WDR62: variants seen among roughly 807,000 people sequenced by gnomAD.
WDR62 encodes the protein WD repeat domain 62.
Under a neutral mutation model 160.6 loss-of-function variants are expected in WDR62, and 112 were observed. That is an observed-to-expected ratio of 0.70 (90% confidence interval 0.60 to 0.82). The LOEUF (loss-of-function observed/expected upper bound fraction) is 0.82, where lower values mean the gene tolerates loss of function less well. Among genes scored for constraint, WDR62 ranks in the 40% least tolerant of loss-of-function variants. The pLI is 0.00. For missense variants in WDR62, 1,819 were observed against 1,983.8 expected, an observed-to-expected ratio of 0.92 and a Z score of 1.58; for synonymous variants, 792 against 815.1, an observed-to-expected ratio of 0.97 and a Z score of 0.48.
In WDR62 at chr19:36,084,886, G is replaced by A. The variant is rs1205237786; in HGVS notation, c.1642+142G>A. The stretch of plus-strand genomic sequence containing the variant: ...TGTTCGGTAAGGGCCCCTGTAGCTG[G>A]ACCCTGAGACCAGAGTGGCTGGGAC... On this transcript the variant is annotated intron_variant, in intron 12 of 31. Transcript: ENST00000401500. 19 of 762,824 alleles carry A rather than the reference G, an allele frequency of 2.5e-5. No individual in the cohort carries two copies. The East Asian group carries it at 4.8e-4, about 19-fold the overall frequency. The allele number at this position is 762,824 out of a possible 1,614,324, so 47.3% of individuals were successfully genotyped here. A position where few individuals can be genotyped will look rare whatever the true frequency, so the allele number is the denominator to read the frequency against.
chr19:36,068,104 C>G, intron 7 of WDR62, 94 bp downstream of exon 7: 1 of 1,433,688 alleles, frequency 7.0e-7, no homozygotes, highest in Non-Finnish European at 9.6e-7. Flanking sequence ...ACAGGTTCTG[C>G]TTATGTGACT....
chr19:36,104,922 C>G lies in WDR62; in HGVS notation c.4466C>G (p.Ser1489Cys), dbSNP rs1480916820. 6.2e-7 allele frequency: 1 copy of G among 1,609,730 alleles called. No individual in the cohort carries two copies. The highest frequency in any genetic ancestry group is 1.7e-5 in the Admixed American group (1 of 59,858). The change falls in exon 32 of 32, where the codon TCC becomes TGC. Residue 1489 changes from serine (S) to cysteine (C), a missense_variant. Coordinates refer to ENST00000401500, the MANE Select transcript of WDR62 (RefSeq NM_001083961.2). ...GCTCTGCCCAGCCCAGGACCCCCGT[C>G]CCCACCGACGCTGTACCCCCTGGCC... ...AQALPSPGPP[S>C]PPTLYPLASP...
At chr19:36,104,065 C>A in intron 30 of WDR62, 84 bp downstream of exon 30, 1 of 1,533,052 alleles carries the variant, frequency 6.5e-7, no homozygotes, top group South Asian at 1.1e-5. Flanking sequence ...GATACTTGAC[C>A]TGGCCACAGG....
intron 16 of WDR62, 68 bp downstream of exon 16, chr19:36,090,588 G>A: frequency 2.8e-6 from 4 of 1,450,488 alleles, no homozygotes; most frequent in Admixed American, 1.7e-5. Flanking sequence ...GCCCACACCT[G>A]AGACCTGTGC....
At chr19:36,085,381 G>C (rs899828769) in intron 12 of WDR62, among the ~76,000 whole-genome samples, 1 of 145,674 alleles carries the variant, frequency 6.9e-6, no homozygotes. Flanking sequence ...CTCCCAAAGC[G>C]CTGGGATTAG....
chr19:36,103,328 C>A lies in WDR62; in HGVS notation c.3515-15C>A, dbSNP rs1452650388. On this transcript the variant is annotated splice_polypyrimidine_tract_variant and intron_variant, in intron 29 of 31. Coordinates refer to ENST00000401500, the MANE Select transcript of WDR62 (RefSeq NM_001083961.2). Reference sequence around the variant, plus strand: ...TTCTGTGTGGTGGAGTCAGTGCCATCTGCTTCCGTTACAGCTCCCTGCCTT... The same window carrying A: ...TTCTGTGTGGTGGAGTCAGTGCCATATGCTTCCGTTACAGCTCCCTGCCTT... 2.5e-6 allele frequency: 4 copies of A among 1,613,592 alleles called. No individual in the cohort carries two copies. In the South Asian group the frequency reaches 3.3e-5, roughly 13 times the overall value.
chr19:36,079,380 T>C (rs1277353853), intron 9 of WDR62, among the ~76,000 whole-genome samples: 1 of 152,214 alleles, frequency 6.6e-6, no homozygotes, highest in East Asian at 1.9e-4. Context: ...TTATACTGTG[T>C]TAAAATATGG....
intron 9 of WDR62, among the ~76,000 whole-genome samples, chr19:36,077,426 A>G (rs1457683609): frequency 7.3e-5 from 11 of 150,922 alleles, no homozygotes; most frequent in Non-Finnish European, 1.3e-4. Context: ...GACTACAGGC[A>G]CACGCCACCA....
rs1970995126 is a variant in WDR62, at chr19:36,067,330, A to G, written c.586A>G (p.Lys196Glu). 1.9e-6 allele frequency: 3 copies of G among 1,614,038 alleles called. No homozygotes were observed. The highest frequency in any genetic ancestry group is 2.2e-5 in the East Asian group (1 of 44,888). Residue 196 changes from lysine to glutamate, a missense_variant, in exon 6 of 32, where the codon AAG (lysine) becomes GAG (glutamate). Physicochemically the swap from Lys to Glu is moderately conservative, Grantham distance 56 (BLOSUM62 1). Coordinates refer to ENST00000401500, the MANE Select transcript of WDR62 (RefSeq NM_001083961.2). ...WKKDIVVASN[K>E]VSCRVIALSF... ...GAAAGACATCGTAGTGGCCTCCAACAAGGTATCTTGTAGAGTCATTGCCCT... is the reference window on the plus strand; with the variant it reads ...GAAAGACATCGTAGTGGCCTCCAACGAGGTATCTTGTAGAGTCATTGCCCT...
rs999363110 is a variant in WDR62, at chr19:36,101,997, C to G, written c.3083-17C>G. The stretch of plus-strand genomic sequence containing the variant: ...ATGGTGTTGGCTCCTCTTGTCCCTC[C>G]CCTCCTTCCCTGTCAGGATGCGCAG... On this transcript the variant is annotated splice_polypyrimidine_tract_variant and intron_variant, in intron 25 of 31. Coordinates refer to ENST00000401500, the MANE Select transcript of WDR62 (RefSeq NM_001083961.2). 2.5e-6 allele frequency: 4 copies of G among 1,613,956 alleles called. No individual in the cohort carries two copies. The highest frequency in any genetic ancestry group is 2.5e-6 in the Non-Finnish European group (3 of 1,180,056).
downstream of WDR62, among the ~76,000 whole-genome samples, chr19:36,109,890 C>T: frequency 6.6e-6 from 1 of 151,218 alleles, no homozygotes; most frequent in South Asian, 2.1e-4. Context: ...CCCATCTCTA[C>T]AAAAAACACA....
rs775896477 is a variant in WDR62, at chr19:36,071,676, C to A, written c.1003C>A (p.His335Asn). The A allele has an allele frequency of 6.2e-7, 1 of 1,614,118 alleles. No homozygotes were observed. The highest frequency in any genetic ancestry group is 8.5e-7 in the Non-Finnish European group (1 of 1,180,054). ...CTACCTCGCCAACCTGCCCAAGCCA[C>A]ACTACCTTGGGGTAGACGTGGCACA... ...LHYLANLPKP[H>N]YLGVDVAQGL... Residue 335 changes from histidine (H) to asparagine (N), a missense_variant, in exon 8 of 32, where the codon CAC (histidine) becomes AAC (asparagine). This residue lies in a region of WDR62 where 934 missense variants were observed against 1,157.2 expected (regional missense o/e 0.81). Transcript: ENST00000401500.
At chr19:36,058,900 T>C in intron 2 of WDR62, 29 bp downstream of exon 2, 1 of 1,578,674 alleles carries the variant, frequency 6.3e-7, no homozygotes, top group South Asian at 1.1e-5. Context: ...CGACGTCTAA[T>C]CATTGCTAGG....
chr19:36,109,289 T>A (rs190681877), downstream of WDR62, among the ~76,000 whole-genome samples: 85 of 152,314 alleles, frequency 5.6e-4, no homozygotes, highest in African/African-American at 1.9e-3. Flanking sequence ...CAGGAGCCTG[T>A]TCGGGTCCCC....
chr19:36,090,403 A>G (rs1190903220), intron 15 of WDR62, 42 bp from the exon 16 acceptor site: 1 of 1,594,734 alleles, frequency 6.3e-7, no homozygotes, highest in South Asian at 1.1e-5. Flanking sequence ...GTGGTGGGGT[A>G]GGCGGGGCCC....
At chr19:36,077,708 G>A (rs1209578515) in intron 9 of WDR62, among the ~76,000 whole-genome samples, 1 of 151,784 alleles carries the variant, frequency 6.6e-6, no homozygotes, top group African/African-American at 2.4e-5. Flanking sequence ...CTATTCCCAT[G>A]CTTCAGTCTC....
intron 1 of WDR62, 101 bp downstream of exon 1, chr19:36,055,249 C>A (rs1024538444): frequency 7.7e-5 from 105 of 1,360,312 alleles, no homozygotes; most frequent in Non-Finnish European, 1.1e-4. Context: ...CCCGGCCAGT[C>A]CCCTCAGGTT....
In WDR62 at chr19:36,071,587, A is replaced by C; in HGVS notation, c.914A>C (p.Gln305Pro). 1 of 1,614,230 alleles carries C rather than the reference A, an allele frequency of 6.2e-7. No homozygotes were observed. The highest frequency in any genetic ancestry group is 8.5e-7 in the Non-Finnish European group (1 of 1,180,038). The stretch of plus-strand genomic sequence containing the variant: ...CTGTCTTCCTGCCTCTGTGTCAGCC[A>C]GGAGCTCATCTTCTGTGGCTGCACA... ...VSLSSCLCVS[Q>P]ELIFCGCTDG... Residue 305 changes from glutamine (Q) to proline (P), a missense_variant, in exon 8 of 32, where the codon CAG becomes CCG. By Grantham distance (76) the Gln-to-Pro change is moderately conservative (BLOSUM62 -1). Transcript: ENST00000401500.
At chr19:36,106,118 T>G (rs986621445), downstream of WDR62, among the ~76,000 whole-genome samples, 2 of 152,188 alleles carry the variant, frequency 1.3e-5, no homozygotes, top group Non-Finnish European at 2.9e-5. Flanking sequence ...CTGCTTCCCC[T>G]TCAGAAGTTC....
Sources: gnomAD v4.1 joint callset for allele counts (sites outside exome capture counted in the v4.1 genomes callset) on GRCh38, gnomAD v4.1.1 for gene constraint, gnomAD v4.1.1 regional missense constraint, MANE v1.5 for transcripts, NCBI Gene and HGNC (gene_info 2026-07-23, HGNC 2026-07-21) for gene names.